MIPOL1: variants seen among roughly 807,000 people sequenced by gnomAD.
MIPOL1 encodes the protein mirror-image polydactyly 1.
MIPOL1 carries 57 observed loss-of-function variants against 60.9 expected under a neutral mutation model. That is an observed-to-expected ratio of 0.94 (90% confidence interval 0.76 to 1.17). The LOEUF (loss-of-function observed/expected upper bound fraction) is 1.17, where lower values mean the gene tolerates loss of function less well. Among genes scored for constraint, MIPOL1 ranks in the 50% most tolerant of loss-of-function variants. MIPOL1 has a pLI of 0.00. For missense variants in MIPOL1, 551 were observed against 511.6 expected (o/e 1.08, Z -0.74); for synonymous variants, 179 against 168.8 (o/e 1.06, Z -0.47).
In MIPOL1 at chr14:37,248,991, T is replaced by A. The variant is rs1233619814; in HGVS notation, c.19+1084T>A. Among the ~76,000 whole-genome samples the A allele has an allele frequency of 2.0e-5, 3 of 148,100 alleles. No homozygotes were observed. The East Asian group carries it at 5.9e-4, about 29-fold the overall frequency. ...ACAAATGGAAGGATGGATGGATGGA[T>A]GGATGGATGGATGGATGGATGGATG... On this transcript the variant is annotated intron_variant, in intron 3 of 12. Coordinates refer to ENST00000684589, the MANE Select transcript of MIPOL1 (RefSeq NM_001388067.1).
intron 10 of MIPOL1, among the ~76,000 whole-genome samples, chr14:37,398,031 A>T (rs1484213746): frequency 6.6e-6 from 1 of 151,668 alleles, no homozygotes; most frequent in Non-Finnish European, 1.5e-5. Context: ...TCAGCTGGAG[A>T]TTTCCTTCTC....
chr14:37,358,202 G>A (rs1444672363), intron 9 of MIPOL1, among the ~76,000 whole-genome samples: 3 of 152,110 alleles, frequency 2.0e-5, no homozygotes, highest in African/African-American at 7.2e-5. Context: ...GTATTCCATG[G>A]TGTATATGTG....
intron 10 of MIPOL1, among the ~76,000 whole-genome samples, chr14:37,390,303 A>T (rs1277119404): frequency 2.6e-5 from 4 of 152,112 alleles, no homozygotes; most frequent in Non-Finnish European, 4.4e-5. Context: ...GATCAGCCCC[A>T]CTTTATCTAC....
chr14:37,491,587 G>T (rs919721209), intron 11 of MIPOL1, among the ~76,000 whole-genome samples: 2 of 152,090 alleles, frequency 1.3e-5, no homozygotes, highest in African/African-American at 4.8e-5. Context: ...ATTTGTATAG[G>T]TTGTTACATT....
At chr14:37,296,516 GC>G (rs1259486775) in intron 7 of MIPOL1, among the ~76,000 whole-genome samples, 1 of 152,128 alleles carries the variant, frequency 6.6e-6, no homozygotes, top group African/African-American at 2.4e-5. Context: ...GAATCCAGAA[GC>G]TGGTTTTTTG....
chr14:37,465,225 G>A (rs1041542357), intron 11 of MIPOL1, among the ~76,000 whole-genome samples: 27 of 152,122 alleles, frequency 1.8e-4, no homozygotes, highest in African/African-American at 6.3e-4. Flanking sequence ...GAAACTCCTT[G>A]AAGTTGGAAC....
intron 6 of MIPOL1, among the ~76,000 whole-genome samples, chr14:37,273,298 A>G (rs1055451225): frequency 6.6e-6 from 1 of 150,822 alleles, no homozygotes; most frequent in African/African-American, 2.4e-5. Context: ...TTCAGTGAAC[A>G]GTTTCTGCCT....
intron 7 of MIPOL1, among the ~76,000 whole-genome samples, chr14:37,294,877 T>C (rs1471343862): frequency 1.3e-5 from 2 of 151,928 alleles, no homozygotes; most frequent in African/African-American, 4.8e-5. Flanking sequence ...TGGAAAACAC[T>C]CTGCAGGATA....
intron 12 of MIPOL1, among the ~76,000 whole-genome samples, chr14:37,532,025 T>TA (rs2095482856): frequency 6.6e-6 from 1 of 152,184 alleles, no homozygotes; most frequent in Non-Finnish European, 1.5e-5. Flanking sequence ...ATGTATTACT[T>TA]ACGCATTTCT....
Position 37,523,239 on chromosome 14 carries a change from C to G in MIPOL1, c.1262+23101C>G, listed in dbSNP as rs187447045. Among the ~76,000 whole-genome samples the G allele has an allele frequency of 3.0e-3, 462 of 152,164 alleles. 2 individuals carry two copies. In the Middle Eastern group the frequency reaches 0.044, roughly 15 times the overall value. On this transcript the variant is annotated intron_variant, in intron 12 of 12. Transcript: ENST00000684589. Reference sequence around the variant, plus strand: ...CTAATTATTTAATGAGTCCATACTTCTATGATAAAACTTAGCTTTGATACT... The same window carrying G: ...CTAATTATTTAATGAGTCCATACTTGTATGATAAAACTTAGCTTTGATACT...
intron 7 of MIPOL1, among the ~76,000 whole-genome samples, chr14:37,294,249 C>T (rs1594954525): frequency 6.6e-6 from 1 of 152,178 alleles, no homozygotes. Flanking sequence ...GCTCAGGGTC[C>T]TGACTGTTAG....
chr14:37,334,690 C>T (rs180834916), intron 9 of MIPOL1, among the ~76,000 whole-genome samples: 2 of 152,074 alleles, frequency 1.3e-5, no homozygotes, highest in African/African-American at 4.8e-5. Context: ...TTTCCACCAG[C>T]CCTAAGCAAC....
intron 9 of MIPOL1, among the ~76,000 whole-genome samples, chr14:37,361,359 G>A (rs1404074353): frequency 6.6e-6 from 1 of 152,068 alleles, no homozygotes; most frequent in African/African-American, 2.4e-5. Flanking sequence ...CTGCATTCAA[G>A]TCCTGGATAT....
At chr14:37,298,462 A>C (rs2086001331) in intron 7 of MIPOL1, among the ~76,000 whole-genome samples, 1 of 152,240 alleles carries the variant, frequency 6.6e-6, no homozygotes, top group Non-Finnish European at 1.5e-5. Context: ...GGATCTAATT[A>C]AATGAAAGAG....
chr14:37,444,520 A>G (rs955130236), intron 11 of MIPOL1, among the ~76,000 whole-genome samples: 6 of 152,226 alleles, frequency 3.9e-5, no homozygotes, highest in African/African-American at 9.6e-5. Context: ...GATATTGACA[A>G]GGTAATTCTA....
intron 9 of MIPOL1, among the ~76,000 whole-genome samples, chr14:37,327,972 G>T (rs567243093): frequency 2.6e-5 from 4 of 152,026 alleles, no homozygotes; most frequent in Middle Eastern, 6.8e-3. Flanking sequence ...GTGTTGTTTG[G>T]GTGACCATTG....
chr14:37,475,732 A>G (rs1346831461), intron 11 of MIPOL1, among the ~76,000 whole-genome samples: 3 of 152,050 alleles, frequency 2.0e-5, no homozygotes, highest in African/African-American at 7.2e-5. Flanking sequence ...AGATCAGTTG[A>G]CAGTATTTGT....
intron 1 of MIPOL1, among the ~76,000 whole-genome samples, chr14:37,233,414 A>G (rs1970932854): frequency 6.6e-6 from 1 of 152,230 alleles, no homozygotes; most frequent in Non-Finnish European, 1.5e-5. Flanking sequence ...AATGGAATTA[A>G]AAGATAAAAA....
At chr14:37,494,664 T>C (rs1212024086) in intron 11 of MIPOL1, among the ~76,000 whole-genome samples, 2 of 152,198 alleles carry the variant, frequency 1.3e-5, no homozygotes, top group African/African-American at 2.4e-5. Flanking sequence ...AAATTACTTA[T>C]CTCTGTTTCC....
Sources: allele counts gnomAD v4.1 joint callset (sites outside exome capture counted in the v4.1 genomes callset), GRCh38; gene constraint gnomAD v4.1.1; transcripts MANE v1.5; gene names NCBI Gene and HGNC (gene_info 2026-07-23, HGNC 2026-07-21).